KCND2: variants seen among roughly 807,000 people sequenced by gnomAD.
KCND2 encodes the protein potassium voltage-gated channel subfamily D member 2, also known as A-type voltage-gated potassium channel KCND2.
KCND2 carries 16 observed loss-of-function variants against 54.4 expected under a neutral mutation model. That is an observed-to-expected ratio of 0.29 (90% confidence interval 0.20 to 0.45). The LOEUF (loss-of-function observed/expected upper bound fraction) is 0.45. Among genes scored for constraint, KCND2 ranks in the 20% least tolerant of loss-of-function variants. The pLI is 1.00. For missense variants in KCND2, 486 were observed against 824.2 expected (o/e 0.59, Z 5.02); for synonymous variants, 317 against 310.7 (o/e 1.02, Z -0.21).
intron 1 of KCND2, among the ~76,000 whole-genome samples, chr7:120,646,173 C>T (rs546282456): frequency 6.6e-6 from 1 of 152,306 alleles, no homozygotes; most frequent in South Asian, 2.1e-4. Context: ...CCATATGTGA[C>T]CCATTTAACG....
At chr7:120,283,065 G>T (rs1427964970) in intron 1 of KCND2, among the ~76,000 whole-genome samples, 1 of 152,230 alleles carries the variant, frequency 6.6e-6, no homozygotes, top group East Asian at 1.9e-4. Context: ...CTTTTCCAAG[G>T]GGTTGGCATT....
chr7:120,351,238 A>ATGTGTG (rs377729206), intron 1 of KCND2, among the ~76,000 whole-genome samples: 6 of 64,594 alleles, frequency 9.3e-5, no homozygotes, highest in Non-Finnish European at 1.5e-4. Flanking sequence ...ATATATTTAT[A>ATGTGTG]TGTGTGTATA....
intron 1 of KCND2, among the ~76,000 whole-genome samples, chr7:120,438,730 G>A (rs902977343): frequency 2.6e-5 from 4 of 152,034 alleles, no homozygotes; most frequent in Non-Finnish European, 5.9e-5. Context: ...ATTATGGGAA[G>A]GGGAAAGTAG....
chr7:120,643,054 G>T (rs1243413263), intron 1 of KCND2, among the ~76,000 whole-genome samples: 1 of 152,154 alleles, frequency 6.6e-6, no homozygotes, highest in African/African-American at 2.4e-5. Context: ...ATGTTACTGA[G>T]CTTTACACAA....
At chr7:120,628,665 T>C (rs1793191146) in intron 1 of KCND2, among the ~76,000 whole-genome samples, 1 of 152,182 alleles carries the variant, frequency 6.6e-6, no homozygotes, top group African/African-American at 2.4e-5. Context: ...ACTATGTCCC[T>C]AGGGTAGAAA....
intron 1 of KCND2, among the ~76,000 whole-genome samples, chr7:120,706,894 A>G (rs915081417): frequency 6.6e-6 from 1 of 152,184 alleles, no homozygotes; most frequent in Non-Finnish European, 1.5e-5. Flanking sequence ...TAGAAAAATA[A>G]CTATCTTTAG....
intron 1 of KCND2, among the ~76,000 whole-genome samples, chr7:120,326,394 T>C (rs1435353981): frequency 1.3e-5 from 2 of 152,118 alleles, no homozygotes; most frequent in East Asian, 3.8e-4. Context: ...TCTGGCTTAA[T>C]TACAAAAATA....
Position 120,520,462 on chromosome 7 carries a change from A to G in KCND2, c.1116-212441A>G, listed in dbSNP as rs575647487. ...ATTTTAAAAATGTTTCCTGAATGGG[A>G]TAGAGAGATAAAGAGAGTCCTTGAC... is the stretch of plus-strand genomic sequence containing the variant. On this transcript the variant is annotated intron_variant, in intron 1 of 5. Transcript: ENST00000331113. Among the ~76,000 whole-genome samples the G allele has an allele frequency of 6.6e-5, 10 of 152,246 alleles. No homozygotes were observed. The South Asian group carries it at 1.0e-3, about 16-fold the overall frequency.
intron 1 of KCND2, among the ~76,000 whole-genome samples, chr7:120,721,219 G>A (rs1792661792): frequency 1.3e-5 from 2 of 152,114 alleles, no homozygotes; most frequent in South Asian, 4.1e-4. Context: ...TACAACCACA[G>A]GGCATATTCA....
intron 1 of KCND2, among the ~76,000 whole-genome samples, chr7:120,302,022 C>G (rs182975724): frequency 2.4e-4 from 36 of 152,238 alleles, no homozygotes; most frequent in Non-Finnish European, 3.2e-4. Context: ...CACCAAGCTA[C>G]AGACACATTA....
rs145214388 is a variant in KCND2, at chr7:120,444,988, T to C, written c.1115+169241T>C. Reference sequence around the variant, plus strand: ...CCTTTAATTTCAGGCAATTTAATTTTCTGCCCACTTCACAAAGAAATGTCA... The same window carrying C: ...CCTTTAATTTCAGGCAATTTAATTTCCTGCCCACTTCACAAAGAAATGTCA... On this transcript the variant is annotated intron_variant, in intron 1 of 5. Transcript: ENST00000331113. Among the ~76,000 whole-genome samples, 366 of 152,252 alleles carry C rather than the reference T, an allele frequency of 2.4e-3. 1 individual carries two copies. The highest frequency in any genetic ancestry group is 8.4e-3 in the African/African-American group (349 of 41,584).
At chr7:120,721,120 G>T (rs1377145551) in intron 1 of KCND2, among the ~76,000 whole-genome samples, 1 of 152,146 alleles carries the variant, frequency 6.6e-6, no homozygotes, top group African/African-American at 2.4e-5. Context: ...TTTCTTTTCA[G>T]TTGGTTTATG....
At chr7:120,581,072 A>G (rs1468796335) in intron 1 of KCND2, among the ~76,000 whole-genome samples, 1 of 152,256 alleles carries the variant, frequency 6.6e-6, no homozygotes, top group Non-Finnish European at 1.5e-5. Flanking sequence ...AATTGAAACT[A>G]CAACTTCTGA....
chr7:120,414,217 T>C (rs1444550424), intron 1 of KCND2, among the ~76,000 whole-genome samples: 2 of 152,092 alleles, frequency 1.3e-5, no homozygotes, highest in African/African-American at 4.8e-5. Flanking sequence ...TTAATTTGTA[T>C]AGAGAGTGTG....
At chr7:120,574,247 T>C (rs1256429484) in intron 1 of KCND2, among the ~76,000 whole-genome samples, 3 of 152,196 alleles carry the variant, frequency 2.0e-5, no homozygotes, top group African/African-American at 4.8e-5. Flanking sequence ...GTTAAATGTA[T>C]TTTGGGTGTA....
chr7:120,583,300 TC>T (rs1792543630), intron 1 of KCND2, among the ~76,000 whole-genome samples: 1 of 152,190 alleles, frequency 6.6e-6, no homozygotes, highest in East Asian at 1.9e-4. Flanking sequence ...TTCATTTCTA[TC>T]CCAAATTTCT....
In KCND2 at chr7:120,275,242, G is replaced by T. The variant is rs1311959580; in HGVS notation, c.610G>T (p.Val204Leu). Residue 204 changes from valine (V) to leucine (L), a missense_variant, in exon 1 of 6, where the codon GTG (valine) becomes TTG (leucine). By Grantham distance (32) the Val-to-Leu change is conservative (BLOSUM62 1). Around this residue, in one of 7 missense-constraint regions of KCND2, gnomAD observed 231 missense variants for 386.0 expected, o/e 0.60. Transcript: ENST00000331113. ...FIAVSVIANVVETVPCGSSPG... is the reference protein window; with the variant it reads ...FIAVSVIANVLETVPCGSSPG... ...TGCCGTCTCTGTCATCGCGAATGTG[G>T]TGGAAACAGTGCCGTGCGGATCAAG... 1.9e-6 allele frequency: 3 copies of T among 1,613,928 alleles called. No homozygotes were observed. Among genetic ancestry groups the T allele is most frequent in the Non-Finnish European group, 8.5e-7 (1 of 1,179,990 alleles).
chr7:120,594,767 A>G (rs1792713088), intron 1 of KCND2, among the ~76,000 whole-genome samples: 1 of 152,178 alleles, frequency 6.6e-6, no homozygotes, highest in Non-Finnish European at 1.5e-5. Context: ...CACGTCTGTA[A>G]TCCCAGCACT....
intron 1 of KCND2, among the ~76,000 whole-genome samples, chr7:120,433,130 A>G (rs1049889881): frequency 5.9e-5 from 9 of 152,132 alleles, no homozygotes; most frequent in African/African-American, 2.2e-4. Flanking sequence ...TATCGTGTGG[A>G]CGCTTTTTCA....
Sources: gnomAD v4.1 joint callset for allele counts (sites outside exome capture counted in the v4.1 genomes callset) on GRCh38, gnomAD v4.1.1 for gene constraint, gnomAD v4.1.1 regional missense constraint, MANE v1.5 for transcripts, NCBI Gene and HGNC (gene_info 2026-07-23, HGNC 2026-07-21) for gene names.